SLCO4C1: variants seen among roughly 807,000 people sequenced by gnomAD.
SLCO4C1 encodes organic anion transporter M1.
A neutral mutation model predicts 72.1 loss-of-function variants in SLCO4C1; 58 were observed. The ratio of observed to expected loss-of-function variants is 0.80; its 90% CI spans 0.65 to 1.00. SLCO4C1 has a LOEUF of 1.00. Ranked by LOEUF, SLCO4C1 falls within the 50% of genes least tolerant of loss-of-function variation. SLCO4C1 has a pLI of 0.00. For synonymous variants in SLCO4C1, 297 were observed against 312.5 expected (o/e 0.95, Z 0.52); for missense variants, 898 against 857.9 (o/e 1.05, Z -0.58).
intron 10 of SLCO4C1, among the ~76,000 whole-genome samples, chr5:102,243,411 C>T (rs1034933151): frequency 2.6e-5 from 4 of 152,304 alleles, no homozygotes; most frequent in Non-Finnish European, 2.9e-5. Context: ...ACTGTGCTGG[C>T]TTCAGGTACG....
In SLCO4C1 at chr5:102,235,710, T is replaced by C. The variant is rs1295431311; in HGVS notation, c.*1148A>G. On this transcript the variant is annotated 3_prime_UTR_variant, in exon 13 of 13. Transcript: ENST00000310954. ...ATTCTCATAGGAGTGCACACTCCAT[T>C]GGGAACTGCACATGCAAGGGATCTA... The C allele has an allele frequency of 6.6e-6, 1 of 152,240 alleles. No individual in the cohort carries two copies. Among genetic ancestry groups the C allele is most frequent in the Non-Finnish European group, 1.5e-5 (1 of 68,050 alleles). The allele number at this position is 152,240 out of a possible 1,614,324, so 9.4% of individuals were successfully genotyped here.
chr5:102,291,731 C>G (rs841928), intron 1 of SLCO4C1, 125 bp from the exon 2 acceptor site: 312,053 of 745,680 alleles, frequency 0.42, 70,825 homozygotes, highest in African/African-American at 0.66. Context: ...GTTTTCAAAG[C>G]CTCAAAGTTT....
At chr5:102,273,997 A>C (rs1481073612) in intron 2 of SLCO4C1, among the ~76,000 whole-genome samples, 1 of 152,162 alleles carries the variant, frequency 6.6e-6, no homozygotes, top group Admixed American at 6.5e-5. Context: ...AAAAATAACA[A>C]TACACCAATA....
chr5:102,260,549 A>G (rs182645030), intron 5 of SLCO4C1, among the ~76,000 whole-genome samples: 23 of 151,838 alleles, frequency 1.5e-4, no homozygotes, highest in Admixed American at 3.3e-4. Context: ...CCATGTCTGT[A>G]ATCAGGATGC....
chr5:102,254,787 A>G (rs1748804102), intron 8 of SLCO4C1, among the ~76,000 whole-genome samples: 1 of 152,218 alleles, frequency 6.6e-6, no homozygotes, highest in Non-Finnish European at 1.5e-5. Flanking sequence ...GTATAGGGTA[A>G]ATATAACCTT....
At chr5:102,238,382 G>A (rs1363847492) in intron 12 of SLCO4C1, among the ~76,000 whole-genome samples, 9 of 152,046 alleles carry the variant, frequency 5.9e-5, no homozygotes, top group Admixed American at 5.9e-4. Context: ...GTAAAGTAAT[G>A]GGATGATTAA....
chr5:102,282,299 C>A (rs1749372824), intron 2 of SLCO4C1, among the ~76,000 whole-genome samples: 1 of 151,788 alleles, frequency 6.6e-6, no homozygotes, highest in South Asian at 2.1e-4. Flanking sequence ...GAATGCTATG[C>A]AAGAAAATGC....
intron 10 of SLCO4C1, among the ~76,000 whole-genome samples, chr5:102,244,972 T>C (rs1226460105): frequency 2.0e-5 from 3 of 152,126 alleles, no homozygotes; most frequent in Admixed American, 2.0e-4. Flanking sequence ...TAATGATAAG[T>C]ACAAAGAAAA....
At chr5:102,240,056 TCA>T (rs1312166083) in intron 11 of SLCO4C1, among the ~76,000 whole-genome samples, 1 of 152,070 alleles carries the variant, frequency 6.6e-6, no homozygotes, top group Non-Finnish European at 1.5e-5. Flanking sequence ...AGTACTAGAC[TCA>T]GAGTTAGGAA....
chr5:102,268,688 T>A (rs926827725), intron 3 of SLCO4C1, among the ~76,000 whole-genome samples: 1 of 152,168 alleles, frequency 6.6e-6, no homozygotes, highest in Non-Finnish European at 1.5e-5. Flanking sequence ...AGTTTGGCAG[T>A]TTCCTGTAGT....
chr5:102,253,869 T>A (rs1748786159), intron 8 of SLCO4C1, among the ~76,000 whole-genome samples: 1 of 151,316 alleles, frequency 6.6e-6, no homozygotes, highest in South Asian at 2.1e-4. Flanking sequence ...ACAGAATCAA[T>A]CATACCCCAA....
chr5:102,273,217 T>C (rs1439909560), intron 2 of SLCO4C1, among the ~76,000 whole-genome samples: 2 of 152,040 alleles, frequency 1.3e-5, no homozygotes, highest in East Asian at 1.9e-4. Flanking sequence ...AAATTACAGA[T>C]ATAGAATTCA....
intron 10 of SLCO4C1, among the ~76,000 whole-genome samples, chr5:102,241,304 T>TAAAAGGTAAGATTA (rs1033963787): frequency 6.6e-6 from 1 of 151,916 alleles, no homozygotes; most frequent in African/African-American, 2.4e-5. Flanking sequence ...AATTGGGAAG[T>TAAAAGGTAAGATTA]AAAAGGTAAG....
Position 102,282,849 on chromosome 5 carries a change from C to T in SLCO4C1, c.619+8494G>A, listed in dbSNP as rs141797984. Among the ~76,000 whole-genome samples the T allele has an allele frequency of 2.1e-3, 324 of 152,072 alleles. 3 individuals are homozygous for T. The highest frequency in any genetic ancestry group is 7.2e-3 in the African/African-American group (301 of 41,550). ...TTTTTAAAAGACTGAACAGTGTTAA[C>T]GGTGAATAACCAAGGTGTGTTACCA... On this transcript the variant is annotated intron_variant, in intron 2 of 12. Transcript: ENST00000310954.
At chr5:102,282,980 A>G (rs1181379801) in intron 2 of SLCO4C1, among the ~76,000 whole-genome samples, 1 of 151,978 alleles carries the variant, frequency 6.6e-6, no homozygotes, top group African/African-American at 2.4e-5. Flanking sequence ...AATTCAAGAT[A>G]TTTTCAAATG....
chr5:102,290,319 T>A (rs1239477097), intron 2 of SLCO4C1, among the ~76,000 whole-genome samples: 2 of 152,184 alleles, frequency 1.3e-5, no homozygotes, highest in Non-Finnish European at 2.9e-5. Context: ...CCGAAATGAT[T>A]TTAGGCGTGA....
chr5:102,291,626 A>G lies in SLCO4C1; in HGVS notation c.356-20T>C. 6.4e-7 allele frequency: 1 copy of G among 1,572,448 alleles called. No individual in the cohort carries two copies. Among genetic ancestry groups the G allele is most frequent in the Non-Finnish European group, 8.7e-7 (1 of 1,153,232 alleles). ...CAATACCTAAAAAACAGAAAAGTTG[A>G]TGTGCATCATTAATATTTTACCATA... is the stretch of plus-strand genomic sequence containing the variant. On this transcript the variant is annotated intron_variant, in intron 1 of 12. Coordinates refer to ENST00000310954, the MANE Select transcript of SLCO4C1 (RefSeq NM_180991.5).
At position 102,257,282 on chromosome 5, in the gene SLCO4C1, G is replaced by A. The variant is rs200526590; in HGVS notation, c.1302C>T (p.Leu434=). The change falls in exon 8 of 13, where the codon CTC becomes CTT. Residue 434 remains leucine, a synonymous_variant. Coordinates refer to ENST00000310954, the MANE Select transcript of SLCO4C1 (RefSeq NM_180991.5). ...GGAVLIPGAA[L]GQILGGFLVS... ...CAAGGAAGCCACCTAAAATTTGACC[G>A]AGAGCAGCTCCAGGAATTAAAACAG... is the stretch of plus-strand genomic sequence containing the variant. 6.7e-5 allele frequency: 107 copies of A among 1,600,602 alleles called. No homozygotes were observed. Among genetic ancestry groups the A allele is most frequent in the South Asian group, 1.7e-4 (15 of 88,744 alleles).
chr5:102,289,301 T>C (rs1749511324), intron 2 of SLCO4C1, among the ~76,000 whole-genome samples: 2 of 152,180 alleles, frequency 1.3e-5, no homozygotes, highest in African/African-American at 2.4e-5. Context: ...AATTTTCCTT[T>C]AGGAAAATAA....
Sources: allele counts gnomAD v4.1 joint callset (sites outside exome capture counted in the v4.1 genomes callset), GRCh38; gene constraint gnomAD v4.1.1; transcripts MANE v1.5; gene names NCBI Gene and HGNC (gene_info 2026-07-23, HGNC 2026-07-21).